HS3ST4: variants seen among roughly 807,000 people sequenced by gnomAD.
The protein encoded by HS3ST4 is heparan sulfate glucosamine 3-O-sulfotransferase 4.
A neutral mutation model predicts 29.2 loss-of-function variants in HS3ST4; 17 were observed. The ratio of observed to expected loss-of-function variants is 0.58; its 90% CI spans 0.40 to 0.87. HS3ST4 has a LOEUF of 0.87. Ranked by LOEUF, HS3ST4 falls within the 40% of genes least tolerant of loss-of-function variation. The pLI, the probability that HS3ST4 is intolerant of heterozygous loss-of-function variation, is 0.00. For synonymous variants in HS3ST4, 314 were observed against 285.7 expected (o/e 1.10, Z -1.00); for missense variants, 627 against 634.5 (o/e 0.99, Z 0.13).
At position 25,841,872 on chromosome 16, in the gene HS3ST4, G is replaced by A. The variant is rs564170508; in HGVS notation, c.734+148721G>A. The stretch of plus-strand genomic sequence containing the variant: ...ACCCAGAGCTGTAATGAACAGTATG[G>A]GATTATCCATAGATAAGAGTCCTAA... On this transcript the variant is annotated intron_variant, in intron 1 of 1. Transcript: ENST00000331351. Among the ~76,000 whole-genome samples, 6 of 152,240 alleles carry A rather than the reference G, an allele frequency of 3.9e-5. No individual in the cohort carries two copies. In the South Asian group the frequency reaches 1.2e-3, roughly 32 times the overall value.
intron 1 of HS3ST4, among the ~76,000 whole-genome samples, chr16:26,007,898 G>A (rs1361523920): frequency 6.6e-6 from 1 of 150,724 alleles, no homozygotes; most frequent in African/African-American, 2.5e-5. Context: ...GCCCAAGGCA[G>A]TTAGACACAT....
intron 1 of HS3ST4, among the ~76,000 whole-genome samples, chr16:26,013,812 A>G (rs1375253162): frequency 6.6e-6 from 1 of 152,066 alleles, no homozygotes; most frequent in African/African-American, 2.4e-5. Context: ...GATCGAGACC[A>G]TCCTGGCCAA....
At chr16:25,944,845 G>A (rs8049718) in intron 1 of HS3ST4, among the ~76,000 whole-genome samples, 32,703 of 152,124 alleles carry the variant, frequency 0.21, 4,367 homozygotes, top group Non-Finnish European at 0.3. Flanking sequence ...TCAGCCAGGC[G>A]TCTGGAAACC....
intron 1 of HS3ST4, among the ~76,000 whole-genome samples, chr16:25,769,556 T>A (rs963222629): frequency 1.3e-5 from 2 of 152,212 alleles, no homozygotes; most frequent in Non-Finnish European, 2.9e-5. Context: ...TTGAGAGATG[T>A]GTGCTCAGCA....
chr16:25,883,987 C>A (rs772005963), intron 1 of HS3ST4, among the ~76,000 whole-genome samples: 2 of 152,036 alleles, frequency 1.3e-5, no homozygotes, highest in Non-Finnish European at 2.9e-5. Context: ...GTGGCAGGTG[C>A]CTATAATCCC....
chr16:25,880,874 T>A (rs1967887657), intron 1 of HS3ST4, among the ~76,000 whole-genome samples: 1 of 152,204 alleles, frequency 6.6e-6, no homozygotes, highest in South Asian at 2.1e-4. Context: ...AATGGATTTT[T>A]ATAGACTTTG....
chr16:25,758,992 C>A (rs1966773922), intron 1 of HS3ST4, among the ~76,000 whole-genome samples: 1 of 150,964 alleles, frequency 6.6e-6, no homozygotes, highest in South Asian at 2.1e-4. Context: ...AAAAAAACCC[C>A]AGAAAAACAA....
chr16:26,108,321 T>C (rs1337689121), intron 1 of HS3ST4, among the ~76,000 whole-genome samples: 2 of 152,222 alleles, frequency 1.3e-5, no homozygotes, highest in Non-Finnish European at 1.5e-5. Flanking sequence ...GGTTACTCTC[T>C]GAGCCTAACT....
intron 1 of HS3ST4, among the ~76,000 whole-genome samples, chr16:25,854,732 A>T (rs979345382): frequency 6.7e-6 from 1 of 150,136 alleles, no homozygotes; most frequent in Non-Finnish European, 1.5e-5. Context: ...GTTATAATCC[A>T]CTGTTATTTT....
At chr16:26,116,448 G>T (rs965408710) in intron 1 of HS3ST4, among the ~76,000 whole-genome samples, 1 of 152,136 alleles carries the variant, frequency 6.6e-6, no homozygotes, top group South Asian at 2.1e-4. Context: ...AGGAGGTGGG[G>T]AGTCATATTA....
chr16:25,766,712 C>G (rs1270136641), intron 1 of HS3ST4, among the ~76,000 whole-genome samples: 2 of 152,118 alleles, frequency 1.3e-5, no homozygotes, highest in African/African-American at 4.8e-5. Context: ...CTTCATAAAG[C>G]TTACATTTTT....
chr16:25,901,952 GT>G, intron 1 of HS3ST4, among the ~76,000 whole-genome samples: 3 of 152,292 alleles, frequency 2.0e-5, no homozygotes, highest in East Asian at 3.9e-4. Flanking sequence ...TAATAACACC[GT>G]TGTATCTTAT....
intron 1 of HS3ST4, among the ~76,000 whole-genome samples, chr16:26,005,196 A>C (rs1332433108): frequency 6.6e-6 from 1 of 152,218 alleles, no homozygotes. Context: ...CAGTAGGAGG[A>C]GATACTCAGG....
At chr16:25,898,724 C>G (rs1486203917) in intron 1 of HS3ST4, among the ~76,000 whole-genome samples, 1 of 152,200 alleles carries the variant, frequency 6.6e-6, no homozygotes, top group Non-Finnish European at 1.5e-5. Context: ...TCTCTGGGAG[C>G]TGTTGACAAG....
At chr16:25,711,395 G>T (rs1173723538) in intron 1 of HS3ST4, among the ~76,000 whole-genome samples, 2 of 151,932 alleles carry the variant, frequency 1.3e-5, no homozygotes, top group Non-Finnish European at 2.9e-5. Flanking sequence ...AATCCCTTCC[G>T]CCTGGGCTAT....
intron 1 of HS3ST4, among the ~76,000 whole-genome samples, chr16:26,062,045 A>G (rs1898482303): frequency 6.6e-6 from 1 of 152,184 alleles, no homozygotes. Context: ...CATGTGTTCT[A>G]CCATCTGGAG....
At chr16:25,889,639 C>CAAGG (rs1967987887) in intron 1 of HS3ST4, among the ~76,000 whole-genome samples, 1 of 152,150 alleles carries the variant, frequency 6.6e-6, no homozygotes, top group Non-Finnish European at 1.5e-5. Context: ...GTCTGTTTAG[C>CAAGG]AAGGACCCAC....
At chr16:26,043,809 A>T (rs1166029402) in intron 1 of HS3ST4, among the ~76,000 whole-genome samples, 1 of 152,158 alleles carries the variant, frequency 6.6e-6, no homozygotes, top group East Asian at 1.9e-4. Context: ...CCCGCCTTCC[A>T]TGATTAATTG....
chr16:26,026,256 T>C, intron 1 of HS3ST4, among the ~76,000 whole-genome samples: 1 of 152,216 alleles, frequency 6.6e-6, no homozygotes, highest in East Asian at 1.9e-4. Context: ...CTTAGGGTGA[T>C]AACCAGGACC....
Sources: allele counts gnomAD v4.1 joint callset (sites outside exome capture counted in the v4.1 genomes callset), GRCh38; gene constraint gnomAD v4.1.1; transcripts MANE v1.5; gene names NCBI Gene and HGNC (gene_info 2026-07-23, HGNC 2026-07-21).